Variants in CCDC92B observed in about 807,000 individuals in gnomAD.
The protein encoded by CCDC92B is coiled-coil domain containing 92B, also known as coiled-coil domain-containing 92B.
A neutral mutation model predicts 5.6 loss-of-function variants in CCDC92B; 2 were observed. The ratio of observed to expected loss-of-function variants is 0.36; its 90% CI spans 0.15 to 1.12. CCDC92B has a LOEUF of 1.12. Among genes scored for constraint, CCDC92B ranks in the 50% most tolerant of loss-of-function variants. The probability of loss-of-function intolerance (pLI) is 0.40; values close to 1 mark genes in which losing one functional copy is unlikely to be tolerated. For synonymous variants in CCDC92B, 115 were observed against 122.3 expected (o/e 0.94, Z 0.39); for missense variants, 271 against 262.2 (o/e 1.03, Z -0.23).
intron 1 of CCDC92B, among the ~76,000 whole-genome samples, chr17:2,743,994 C>T (rs2070955154): frequency 6.6e-6 from 1 of 152,124 alleles, no homozygotes; most frequent in Non-Finnish European, 1.5e-5. Flanking sequence ...TCTCCTGCCG[C>T]AGCCTCCCGA....
At chr17:2,731,777 C>T (rs148769340) in intron 2 of CCDC92B, among the ~76,000 whole-genome samples, 2 of 152,344 alleles carry the variant, frequency 1.3e-5, no homozygotes, top group African/African-American at 4.8e-5. Context: ...CCAACTGGCC[C>T]CTCCTTCAAG....
Position 2,748,332 on chromosome 17 carries a change from A to G in CCDC92B, c.-24+1079T>C. 3.2e-6 allele frequency: 4 copies of G among 1,250,596 alleles called. No individual in the cohort carries two copies. The Admixed American group carries it at 7.5e-5, about 24-fold the overall frequency. The allele number at this position is 1,250,596 out of a possible 1,614,324, so 77.5% of individuals were successfully genotyped here. A position where few individuals can be genotyped will look rare whatever the true frequency, so the allele number is the denominator to read the frequency against. On this transcript the variant is annotated intron_variant, in intron 1 of 3. Transcript: ENST00000614400. ...ATGAAGCCATCCCTGATCCCCCACC[A>G]AGATGGAACGACTCTCTCCCGCCTC...
At position 2,730,439 on chromosome 17, in the gene CCDC92B, C is replaced by G; in HGVS notation, c.178+7G>C. 1.0e-6 allele frequency: 1 copy of G among 985,204 alleles called. No homozygotes were observed. The highest frequency in any genetic ancestry group is 1.2e-6 in the Non-Finnish European group (1 of 829,914). 61.0% of individuals were successfully genotyped at this position (985,204 alleles called of 1,614,324 possible). A position where few individuals can be genotyped will look rare whatever the true frequency, so the allele number is the denominator to read the frequency against. On this transcript the variant is annotated splice_region_variant and intron_variant, in intron 3 of 3. Transcript: ENST00000614400. Reference sequence around the variant, plus strand: ...TGACGCTTCCCCACCAGTGGTCCTTCTCTTACCTTGCTGGTGAGATTGGGC... The same window carrying G: ...TGACGCTTCCCCACCAGTGGTCCTTGTCTTACCTTGCTGGTGAGATTGGGC...
chr17:2,742,234 G>C (rs2070934362), intron 1 of CCDC92B, among the ~76,000 whole-genome samples: 1 of 152,050 alleles, frequency 6.6e-6, no homozygotes, highest in Non-Finnish European at 1.5e-5. Context: ...CCCGTGCCCG[G>C]CTAATTTTTC....
chr17:2,736,095 C>T (rs1297844887), intron 1 of CCDC92B, among the ~76,000 whole-genome samples: 1 of 152,180 alleles, frequency 6.6e-6, no homozygotes, highest in Non-Finnish European at 1.5e-5. Flanking sequence ...TTCACTAACA[C>T]TGACTCTGGG....
chr17:2,742,133 G>A (rs1439119301), intron 1 of CCDC92B, among the ~76,000 whole-genome samples: 1 of 150,568 alleles, frequency 6.6e-6, no homozygotes, highest in Non-Finnish European at 1.5e-5. Flanking sequence ...ATGCAGTGGT[G>A]TAATGATGGC....
intron 3 of CCDC92B, among the ~76,000 whole-genome samples, chr17:2,728,560 A>T (rs555218924): frequency 6.6e-6 from 1 of 150,854 alleles, no homozygotes; most frequent in Admixed American, 6.7e-5. Flanking sequence ...CCGAGACCGC[A>T]CCACTGCACT....
intron 1 of CCDC92B, among the ~76,000 whole-genome samples, chr17:2,743,667 C>G (rs2070950154): frequency 2.0e-5 from 3 of 152,100 alleles, no homozygotes; most frequent in Admixed American, 6.6e-5. Flanking sequence ...ACATGCTGTC[C>G]CCTCTGCCAG....
At chr17:2,739,261 G>GA (rs2070896919) in intron 1 of CCDC92B, among the ~76,000 whole-genome samples, 1 of 151,114 alleles carries the variant, frequency 6.6e-6, no homozygotes, top group East Asian at 1.9e-4. Context: ...CAGCTACTCG[G>GA]GAGGCTGAGG....
At chr17:2,745,776 C>G (rs2070978115) in intron 1 of CCDC92B, among the ~76,000 whole-genome samples, 1 of 152,176 alleles carries the variant, frequency 6.6e-6, no homozygotes, top group South Asian at 2.1e-4. Context: ...AGCTGAAGGG[C>G]TGGAGCTGTC....
rs1007575106 is a variant in CCDC92B, at chr17:2,724,252, G to C, written c.*159C>G. 5.1e-6 allele frequency: 5 copies of C among 985,258 alleles called. No homozygotes were observed. In the African/African-American group the frequency reaches 7.0e-5, roughly 14 times the overall value. 61.0% of individuals were successfully genotyped at this position (985,258 alleles called of 1,614,324 possible). A position where few individuals can be genotyped will look rare whatever the true frequency, so the allele number is the denominator to read the frequency against. On this transcript the variant is annotated 3_prime_UTR_variant, in exon 4 of 4. Coordinates refer to ENST00000614400, the MANE Select transcript of CCDC92B (RefSeq NM_001355573.2). The surrounding 1 kb of genome is among the most constrained non-coding windows in gnomAD (Gnocchi z 5.0). ...TTGGAAACGTCGGGAAGTACAAAAG[G>C]CTGGCGGTTCGGGGATTTGGGGGGA...
chr17:2,739,308 A>G (rs2070897622), intron 1 of CCDC92B, among the ~76,000 whole-genome samples: 1 of 151,532 alleles, frequency 6.6e-6, no homozygotes, highest in South Asian at 2.1e-4. Context: ...CAGAGGTTGC[A>G]GTGAGCTGAG....
rs1050555951 is a variant in CCDC92B, at chr17:2,729,243, C to T, written c.178+1203G>A. Among the ~76,000 whole-genome samples, 3 of 152,240 alleles carry T rather than the reference C, an allele frequency of 2.0e-5. No individual in the cohort carries two copies. In the East Asian group the frequency reaches 5.8e-4, roughly 29 times the overall value. Reference sequence around the variant, plus strand: ...CGGTGGCTCACACCTGTACTTCCAGCACTTTGCAAGGCTGAGGCGGGTGGA... The same window carrying T: ...CGGTGGCTCACACCTGTACTTCCAGTACTTTGCAAGGCTGAGGCGGGTGGA... On this transcript the variant is annotated intron_variant, in intron 3 of 3. Coordinates refer to ENST00000614400, the MANE Select transcript of CCDC92B (RefSeq NM_001355573.2).
At chr17:2,743,326 G>C (rs35846952) in intron 1 of CCDC92B, among the ~76,000 whole-genome samples, 58,381 of 152,034 alleles carry the variant, frequency 0.38, 11,589 homozygotes, top group East Asian at 0.5. Flanking sequence ...AGCTACTTGG[G>C]AGGCTGAGGC....
chr17:2,743,611 C>T (rs1461268826), intron 1 of CCDC92B, among the ~76,000 whole-genome samples: 3 of 152,210 alleles, frequency 2.0e-5, no homozygotes, highest in Non-Finnish European at 4.4e-5. Context: ...TCCGACCTTG[C>T]TTCTTCCTGA....
intron 1 of CCDC92B, among the ~76,000 whole-genome samples, chr17:2,741,674 G>A (rs913219671): frequency 7.0e-6 from 1 of 143,122 alleles, no homozygotes; most frequent in Non-Finnish European, 1.5e-5. Context: ...CTCACTGCAA[G>A]CTCTGCCTCC....
At chr17:2,738,714 C>G (rs1022702740) in intron 1 of CCDC92B, among the ~76,000 whole-genome samples, 3 of 148,604 alleles carry the variant, frequency 2.0e-5, no homozygotes, top group African/African-American at 7.5e-5. Context: ...GAGCTGAGAT[C>G]GCGCCACTGC....
At chr17:2,747,192 G>A (rs2070997000) in intron 1 of CCDC92B, among the ~76,000 whole-genome samples, 1 of 152,126 alleles carries the variant, frequency 6.6e-6, no homozygotes, top group Non-Finnish European at 1.5e-5. Context: ...CTCACTCACT[G>A]GCGGGTTCTC....
intron 3 of CCDC92B, among the ~76,000 whole-genome samples, chr17:2,728,437 T>G (rs1170829919): frequency 6.6e-6 from 1 of 151,690 alleles, no homozygotes; most frequent in East Asian, 1.9e-4. Context: ...GAAACCCGTC[T>G]CTACTAAAAA....
Sources: gnomAD v4.1 joint callset for allele counts (sites outside exome capture counted in the v4.1 genomes callset) on GRCh38, gnomAD v4.1.1 for gene constraint, Gnocchi (gnomAD v3.1) non-coding constraint, MANE v1.5 for transcripts, NCBI Gene and HGNC (gene_info 2026-07-23, HGNC 2026-07-21) for gene names.